The following KIF6 variants were observed in gnomAD, a reference collection of about 807,000 sequenced individuals.
The protein encoded by KIF6 is kinesin-like protein KIF6.
Under a neutral mutation model 112.7 loss-of-function variants are expected in KIF6, and 106 were observed. That is an observed-to-expected ratio of 0.94 (90% CI 0.80 to 1.11). The LOEUF (loss-of-function observed/expected upper bound fraction) is 1.11. KIF6 is among the 50% of genes least tolerant of loss of function. The pLI, the probability that KIF6 is intolerant of heterozygous loss-of-function variation, is 0.00. For missense variants in KIF6, 929 were observed against 964.0 expected (o/e 0.96, Z 0.48); for synonymous variants, 339 against 339.9 (o/e 1.00, Z 0.03).
At chr6:39,582,771 T>C (rs1781366745) in intron 9 of KIF6, among the ~76,000 whole-genome samples, 1 of 152,204 alleles carries the variant, frequency 6.6e-6, no homozygotes, top group South Asian at 2.1e-4. Context: ...TGGCTCCATA[T>C]TTGCCATTAA....
intron 5 of KIF6, among the ~76,000 whole-genome samples, chr6:39,624,538 A>C (rs1783993457): frequency 6.6e-6 from 1 of 152,230 alleles, no homozygotes; most frequent in South Asian, 2.1e-4. Context: ...GTACTATCAG[A>C]ATAAATCAAT....
At position 39,355,457 on chromosome 6, in the gene KIF6, GTCTT is replaced by G; in HGVS notation, c.2180+1816_2180+1819del. Among the ~76,000 whole-genome samples, 5 of 94,940 alleles carry G rather than the reference GTCTT, an allele frequency of 5.3e-5. 1 individual carries two copies. Among genetic ancestry groups the G allele is most frequent in the African/African-American group, 2.3e-4 (5 of 21,632 alleles). 62.3% of individuals were successfully genotyped at this position (94,940 alleles called of 152,430 possible). A position where few individuals can be genotyped will look rare whatever the true frequency, so the allele number is the denominator to read the frequency against. On this transcript the variant is annotated intron_variant, in intron 19 of 22. Transcript: ENST00000287152. The stretch of plus-strand genomic sequence containing the variant: ...CTGGCTGGCCTTTTAATTTTAAGAA[GTCTT>G]TTTTTTTTTTTTTTTTTTTTGAGGC...
intron 19 of KIF6, among the ~76,000 whole-genome samples, chr6:39,351,182 C>CTTTTTT (rs5875669): frequency 3.7e-5 from 4 of 106,804 alleles, no homozygotes; most frequent in Admixed American, 2.0e-4. Context: ...TAGGATTAAA[C>CTTTTTT]TTTTTTTTTT....
At chr6:39,344,382 T>C (rs906712502) in intron 21 of KIF6, among the ~76,000 whole-genome samples, 1 of 152,190 alleles carries the variant, frequency 6.6e-6, no homozygotes, top group Non-Finnish European at 1.5e-5. Flanking sequence ...AACAGACTAA[T>C]ACAGACCCTT....
At chr6:39,429,415 TC>T (rs969717966) in intron 14 of KIF6, among the ~76,000 whole-genome samples, 11 of 152,212 alleles carry the variant, frequency 7.2e-5, no homozygotes, top group African/African-American at 2.7e-4. Context: ...CCATTCTTGC[TC>T]CCTTCCAGGG....
chr6:39,360,257 A>G (rs569968168), intron 18 of KIF6, 138 bp downstream of exon 18: 38 of 896,062 alleles, frequency 4.2e-5, no homozygotes, highest in Middle Eastern at 3.6e-4. Flanking sequence ...TTGTTACTAC[A>G]GTGAGCACCT....
chr6:39,616,970 A>C (rs1466293642), intron 5 of KIF6, among the ~76,000 whole-genome samples: 1 of 151,954 alleles, frequency 6.6e-6, no homozygotes, highest in East Asian at 1.9e-4. Flanking sequence ...TCCTTAATCT[A>C]CCACTTGGTT....
chr6:39,599,976 A>C (rs1782486169), intron 6 of KIF6, among the ~76,000 whole-genome samples: 1 of 152,198 alleles, frequency 6.6e-6, no homozygotes, highest in South Asian at 2.1e-4. Context: ...ACTTCTCATA[A>C]ATATTTTCTG....
chr6:39,626,945 C>A (rs536044097), intron 5 of KIF6, among the ~76,000 whole-genome samples: 133 of 152,272 alleles, frequency 8.7e-4, no homozygotes, highest in African/African-American at 3.1e-3. Flanking sequence ...TAACTTCCCA[C>A]AATGCTCTGA....
chr6:39,406,534 C>T (rs1442895067), intron 15 of KIF6, among the ~76,000 whole-genome samples: 1 of 151,992 alleles, frequency 6.6e-6, no homozygotes, highest in African/African-American at 2.4e-5. Context: ...TTTCTAGTTT[C>T]TTAAGATGGA....
At chr6:39,725,124 C>T in intron 1 of KIF6, 121 bp downstream of exon 1, 3 of 700,454 alleles carry the variant, frequency 4.3e-6, no homozygotes, top group Non-Finnish European at 6.7e-6. Flanking sequence ...TGCGGGATTC[C>T]GGGCGGCCTC....
chr6:39,409,834 G>C (rs1216905084), intron 15 of KIF6, among the ~76,000 whole-genome samples: 1 of 152,206 alleles, frequency 6.6e-6, no homozygotes, highest in African/African-American at 2.4e-5. Flanking sequence ...GTTGACAAGA[G>C]ACACAGCAAA....
intron 13 of KIF6, among the ~76,000 whole-genome samples, chr6:39,477,203 A>G (rs1774477990): frequency 6.6e-6 from 1 of 152,084 alleles, no homozygotes; most frequent in Admixed American, 6.6e-5. Context: ...CAAAGTGAGA[A>G]CCCCCTGTGT....
intron 3 of KIF6, among the ~76,000 whole-genome samples, chr6:39,643,021 G>A (rs1784989468): frequency 6.6e-6 from 1 of 152,154 alleles, no homozygotes; most frequent in South Asian, 2.1e-4. Context: ...TTACTGGCTA[G>A]TTTGTTGACG....
intron 3 of KIF6, among the ~76,000 whole-genome samples, chr6:39,689,798 T>C (rs1297419746): frequency 1.3e-5 from 2 of 152,132 alleles, no homozygotes; most frequent in African/African-American, 4.8e-5. Flanking sequence ...AGAGACCATG[T>C]CTTGCTATGT....
At position 39,613,193 on chromosome 6, in the gene KIF6, G is replaced by T; in HGVS notation, c.635C>A (p.Ala212Glu). 1 of 1,590,744 alleles carries T rather than the reference G, an allele frequency of 6.3e-7. No homozygotes were observed. Reference sequence around the variant, plus strand: ...TTGCAGAGAGAAGTTTATTACCTCTGCAATCATTCGGTTGGTGTCTCCTAA... The same window carrying T: ...TTGCAGAGAGAAGTTTATTACCTCTTCAATCATTCGGTTGGTGTCTCCTAA... The part of the protein sequence containing the change: ...LFLGDTNRMI[A>E]ETPMNQASTR... Residue 212 changes from alanine (A) to glutamate (E), a missense_variant, in exon 6 of 23, where the codon GCA becomes GAA. Physicochemically the swap from Ala to Glu is moderately radical, Grantham distance 107 (BLOSUM62 -1). This residue lies in a region of KIF6 where 688 missense variants were observed against 662.7 expected (regional missense o/e 1.04). Coordinates refer to ENST00000287152, the MANE Select transcript of KIF6 (RefSeq NM_145027.6).
chr6:39,624,240 G>C (rs1783972408), intron 5 of KIF6, among the ~76,000 whole-genome samples: 1 of 152,136 alleles, frequency 6.6e-6, no homozygotes, highest in African/African-American at 2.4e-5. Context: ...TAAGTTAATT[G>C]AAGAGACGAA....
chr6:39,641,966 T>C (rs1467995067), intron 3 of KIF6, among the ~76,000 whole-genome samples: 1 of 152,124 alleles, frequency 6.6e-6, no homozygotes, highest in Non-Finnish European at 1.5e-5. Context: ...CCCATGGCTA[T>C]TTATTTATTA....
chr6:39,557,724 T>C (rs1471207702), intron 10 of KIF6, among the ~76,000 whole-genome samples: 1 of 151,996 alleles, frequency 6.6e-6, no homozygotes, highest in Non-Finnish European at 1.5e-5. Context: ...TGAACTTTTG[T>C]ATAGAAAGCC....
Sources: allele counts gnomAD v4.1 joint callset (sites outside exome capture counted in the v4.1 genomes callset), GRCh38; gene constraint gnomAD v4.1.1; regional missense constraint gnomAD v4.1.1; transcripts MANE v1.5; gene names NCBI Gene and HGNC (gene_info 2026-07-23, HGNC 2026-07-21).